Variants in EDIL3 observed in about 807,000 individuals in gnomAD.
The protein encoded by EDIL3 is EGF-like repeat and discoidin I-like domain-containing protein 3.
In EDIL3, 37 loss-of-function variants were observed where a neutral mutation model predicts 67.4. The ratio of observed to expected loss-of-function variants is 0.55; its 90% confidence interval spans 0.42 to 0.72. The LOEUF is 0.72. Among genes scored for constraint, EDIL3 ranks in the 30% least tolerant of loss-of-function variants. The pLI is 0.00. For missense variants in EDIL3, 527 were observed against 586.3 expected, an observed-to-expected ratio of 0.90 and a Z score of 1.04; for synonymous variants, 195 against 196.3, an observed-to-expected ratio of 0.99 and a Z score of 0.05.
intron 4 of EDIL3, among the ~76,000 whole-genome samples, chr5:84,138,709 T>A (rs988834535): frequency 6.6e-6 from 1 of 152,176 alleles, no homozygotes; most frequent in African/African-American, 2.4e-5. Context: ...GCAGAGTTGG[T>A]CAACTTCTCA....
chr5:84,288,177 A>G (rs1745846328), intron 1 of EDIL3, among the ~76,000 whole-genome samples: 1 of 151,998 alleles, frequency 6.6e-6, no homozygotes, highest in African/African-American at 2.4e-5. Flanking sequence ...AAACCCTTAG[A>G]GGCATTCATG....
intron 3 of EDIL3, among the ~76,000 whole-genome samples, chr5:84,210,725 T>C (rs982323823): frequency 1.3e-5 from 2 of 152,210 alleles, no homozygotes; most frequent in African/African-American, 4.8e-5. Context: ...TTGGCTGAGG[T>C]TTTGAAAATA....
chr5:83,974,709 T>C (rs1049879074), intron 9 of EDIL3, among the ~76,000 whole-genome samples: 1 of 152,050 alleles, frequency 6.6e-6, no homozygotes, highest in Admixed American at 6.6e-5. Context: ...GTCATGATTA[T>C]AGACTTTCTC....
chr5:84,209,744 G>A (rs758168626), intron 3 of EDIL3, among the ~76,000 whole-genome samples: 55 of 152,194 alleles, frequency 3.6e-4, no homozygotes, highest in Non-Finnish European at 6.3e-4. Context: ...GTAACACTGA[G>A]CAACAGAGAC....
chr5:84,375,863 A>T (rs1747955814), intron 1 of EDIL3, among the ~76,000 whole-genome samples: 2 of 152,198 alleles, frequency 1.3e-5, no homozygotes, highest in Non-Finnish European at 2.9e-5. Flanking sequence ...AATGTGAAAA[A>T]AGAACTTTAC....
chr5:84,133,730 T>C (rs992136453), intron 5 of EDIL3, among the ~76,000 whole-genome samples: 1 of 151,922 alleles, frequency 6.6e-6, no homozygotes, highest in Non-Finnish European at 1.5e-5. Flanking sequence ...AACATCTAAA[T>C]GATTTTCACA....
intron 1 of EDIL3, among the ~76,000 whole-genome samples, chr5:84,350,148 A>G (rs945266139): frequency 1.3e-5 from 2 of 152,110 alleles, no homozygotes; most frequent in Admixed American, 1.3e-4. Context: ...ATGTCTCAAT[A>G]TTATGCTTTA....
chr5:83,970,910 G>A (rs1320377653), intron 9 of EDIL3, among the ~76,000 whole-genome samples: 1 of 151,256 alleles, frequency 6.6e-6, no homozygotes, highest in Non-Finnish European at 1.5e-5. Context: ...GAGAAGACAT[G>A]CTCAAAAGGT....
intron 1 of EDIL3, among the ~76,000 whole-genome samples, chr5:84,340,532 CTCTATATATATATATATATA>C (rs1747085952): frequency 1.5e-5 from 1 of 66,596 alleles, no homozygotes; most frequent in Admixed American, 1.7e-4. Context: ...CTCTCTCTCT[CTCTATATATATATATATATA>C]TATATATATA....
intron 1 of EDIL3, among the ~76,000 whole-genome samples, chr5:84,258,538 G>A (rs980719181): frequency 6.6e-6 from 1 of 152,198 alleles, no homozygotes; most frequent in Non-Finnish European, 1.5e-5. Context: ...GGTCCTGAAA[G>A]TTCTGCAGGA....
chr5:84,198,360 G>C lies in EDIL3; in HGVS notation c.227-17839C>G, dbSNP rs149513805. ...TTAAGGAACTGAAAGAGTAGGATTT[G>C]GAAGTCTGAGATCCAAGACAGATGT... is the stretch of plus-strand genomic sequence containing the variant. On this transcript the variant is annotated intron_variant, in intron 3 of 10. Coordinates refer to ENST00000296591, the MANE Select transcript of EDIL3 (RefSeq NM_005711.5). 2.5e-3 allele frequency among the ~76,000 whole-genome samples: 377 copies of C among 152,030 alleles called. 4 individuals carry two copies. The highest frequency in any genetic ancestry group is 8.6e-3 in the African/African-American group (358 of 41,488).
chr5:84,265,767 C>T (rs1456913505), intron 1 of EDIL3, among the ~76,000 whole-genome samples: 4 of 152,150 alleles, frequency 2.6e-5, no homozygotes, highest in Non-Finnish European at 5.9e-5. Context: ...CTTTAACAAA[C>T]ATGGAATCTG....
In EDIL3 at chr5:84,225,232, C is replaced by T. The variant is rs372424236; in HGVS notation, c.226+4623G>A. Among the ~76,000 whole-genome samples the T allele has an allele frequency of 4.6e-5, 7 of 151,536 alleles. No individual in the cohort carries two copies. In the East Asian group the frequency reaches 1.2e-3, roughly 25 times the overall value. ...TCCCAATCAATAAGGGGATGCATGC[C>T]TACTATTAGAAATGCAGATAAGATG... On this transcript the variant is annotated intron_variant, in intron 3 of 10. Transcript: ENST00000296591.
chr5:83,978,384 T>C (rs894788085), intron 9 of EDIL3, among the ~76,000 whole-genome samples: 1 of 151,916 alleles, frequency 6.6e-6, no homozygotes, highest in Non-Finnish European at 1.5e-5. Context: ...ATATAACATA[T>C]GTCATAAATG....
intron 1 of EDIL3, among the ~76,000 whole-genome samples, chr5:84,345,202 A>G (rs1283979072): frequency 6.6e-6 from 1 of 152,108 alleles, no homozygotes; most frequent in Non-Finnish European, 1.5e-5. Flanking sequence ...TTATCAGGTA[A>G]CCTATGTCAT....
chr5:84,122,120 T>C (rs1289902657), intron 5 of EDIL3, among the ~76,000 whole-genome samples: 2 of 151,978 alleles, frequency 1.3e-5, no homozygotes, highest in African/African-American at 2.4e-5. Flanking sequence ...CACTTCACTC[T>C]TGTATATCTC....
chr5:83,945,172 T>C (rs1424510486), intron 10 of EDIL3, among the ~76,000 whole-genome samples: 1 of 152,006 alleles, frequency 6.6e-6, no homozygotes, highest in East Asian at 1.9e-4. Flanking sequence ...TGCTTAGTAA[T>C]GCCCTGTCTT....
intron 3 of EDIL3, among the ~76,000 whole-genome samples, chr5:84,215,079 T>C (rs62363001): frequency 0.12 from 18,836 of 152,214 alleles, 1,357 homozygotes; most frequent in Middle Eastern, 0.18. Context: ...TATGGCTTAA[T>C]ATATTCATTA....
At chr5:84,279,185 A>G (rs1412494463) in intron 1 of EDIL3, among the ~76,000 whole-genome samples, 1 of 152,180 alleles carries the variant, frequency 6.6e-6, no homozygotes, top group African/African-American at 2.4e-5. Flanking sequence ...CTGCCATATT[A>G]TAAAGGTCAT....
Sources: allele counts gnomAD v4.1 joint callset (sites outside exome capture counted in the v4.1 genomes callset), GRCh38; gene constraint gnomAD v4.1.1; transcripts MANE v1.5; gene names NCBI Gene and HGNC (gene_info 2026-07-23, HGNC 2026-07-21).